The following RNF32 variants were observed in gnomAD, a reference collection of about 807,000 sequenced individuals.
RNF32 encodes the protein ring finger protein 32.
Under a neutral mutation model 41.0 loss-of-function variants are expected in RNF32, and 36 were observed. The observed-to-expected ratio is 0.88, with a 90% CI of 0.67 to 1.16. The LOEUF (loss-of-function observed/expected upper bound fraction) is 1.16, where lower values mean the gene tolerates loss of function less well. Ranked by LOEUF, RNF32 falls within the 50% of genes most tolerant of loss-of-function variation. The pLI, the probability that RNF32 is intolerant of heterozygous loss-of-function variation, is 0.00. For missense variants in RNF32, 413 were observed against 436.7 expected, an observed-to-expected ratio of 0.95 and a Z score of 0.48; for synonymous variants, 154 against 160.9, an observed-to-expected ratio of 0.96 and a Z score of 0.32.
At chr7:156,640,333 G>C (rs1028911794), upstream of RNF32, 1 of 451,054 alleles carries the variant, frequency 2.2e-6, no homozygotes. Context: ...CCCAGGCCCA[G>C]GTGGGCGGGC....
At chr7:156,673,817 T>C (rs967131010) in intron 7 of RNF32, among the ~76,000 whole-genome samples, 3 of 151,892 alleles carry the variant, frequency 2.0e-5, no homozygotes, top group Non-Finnish European at 2.9e-5. Context: ...AGGGAGAGAA[T>C]TGGAAGAGAA....
chr7:156,663,825 G>T (rs1379554497), intron 7 of RNF32, among the ~76,000 whole-genome samples: 1 of 152,198 alleles, frequency 6.6e-6, no homozygotes, highest in Non-Finnish European at 1.5e-5. Flanking sequence ...AAAATTATTT[G>T]AGAAAAATCA....
chr7:156,647,627 G>A (rs1318786905), intron 3 of RNF32, among the ~76,000 whole-genome samples: 1 of 151,970 alleles, frequency 6.6e-6, no homozygotes, highest in African/African-American at 2.4e-5. Flanking sequence ...GTTGTGAATT[G>A]GGCTGCAATA....
At chr7:156,664,635 T>A (rs902232783) in intron 7 of RNF32, among the ~76,000 whole-genome samples, 1 of 152,226 alleles carries the variant, frequency 6.6e-6, no homozygotes, top group African/African-American at 2.4e-5. Flanking sequence ...TGTTCTTTTT[T>A]AAAGATGTAA....
rs1584998943 is a variant in RNF32 at position 156,644,602 on chromosome 7, C to G, written c.119C>G (p.Ser40Cys). Residue 40 changes from serine to cysteine, a missense_variant, in exon 3 of 9, where the codon TCT becomes TGT. Transcript: ENST00000317955. ...CGAAATCTTTCAGTTGCAGATCATT[C>G]TAAGACACAAGTACAAAAGAAAGAG... ...QLRNLSVADH[S>C]KTQVQKKENK... is the part of the protein sequence containing the mutation. 1.2e-6 allele frequency: 2 copies of G among 1,613,358 alleles called. No homozygotes were observed. The highest frequency in any genetic ancestry group is 4.5e-5 in the East Asian group (2 of 44,860).
chr7:156,661,956 T>C (rs992197988), intron 7 of RNF32, among the ~76,000 whole-genome samples: 12 of 152,212 alleles, frequency 7.9e-5, no homozygotes, highest in Admixed American at 1.3e-4. Context: ...ACTCAGATCA[T>C]AGTGAGGTTA....
At chr7:156,652,693 TA>T (rs199707673) in intron 3 of RNF32, among the ~76,000 whole-genome samples, 24 of 148,054 alleles carry the variant, frequency 1.6e-4, no homozygotes, top group Middle Eastern at 3.4e-3. Flanking sequence ...ACAAAAAAGT[TA>T]AAAAAAAAAG....
At chr7:156,674,869 G>A (rs1803458577) in intron 7 of RNF32, among the ~76,000 whole-genome samples, 1 of 152,188 alleles carries the variant, frequency 6.6e-6, no homozygotes, top group Non-Finnish European at 1.5e-5. Context: ...GGACAGAGCT[G>A]ATCCTGCGAA....
chr7:156,660,187 G>C, intron 7 of RNF32: 1 of 985,640 alleles, frequency 1.0e-6, no homozygotes, highest in Non-Finnish European at 1.2e-6. Flanking sequence ...CGCATGTCCT[G>C]CCCGTTCCTA....
intron 7 of RNF32, among the ~76,000 whole-genome samples, chr7:156,660,888 T>C (rs960176696): frequency 3.3e-5 from 5 of 152,210 alleles, no homozygotes; most frequent in Non-Finnish European, 7.3e-5. Flanking sequence ...AGTCAGTACA[T>C]GGAAGTTATA....
intron 3 of RNF32, among the ~76,000 whole-genome samples, chr7:156,649,402 T>C (rs1230420546): frequency 6.6e-6 from 1 of 152,132 alleles, no homozygotes; most frequent in Non-Finnish European, 1.5e-5. Context: ...TTCTTTTTTT[T>C]CCCTGCTTTT....
intron 7 of RNF32, among the ~76,000 whole-genome samples, chr7:156,666,275 T>G (rs1394223472): frequency 1.3e-5 from 2 of 152,242 alleles, no homozygotes; most frequent in Non-Finnish European, 2.9e-5. Context: ...CTTGTCGAAC[T>G]TTGTTCCTAC....
At chr7:156,664,255 A>G (rs1317766294) in intron 7 of RNF32, among the ~76,000 whole-genome samples, 1 of 152,212 alleles carries the variant, frequency 6.6e-6, no homozygotes, top group Non-Finnish European at 1.5e-5. Flanking sequence ...TGAGGTCGGG[A>G]GTTCGAGACC....
At position 156,669,151 on chromosome 7, in the gene RNF32, T is replaced by G. The variant is rs1801878473; in HGVS notation, c.685-6545T>G. 6.6e-6 allele frequency: 1 copy of G among 152,162 alleles called. No individual in the cohort carries two copies. Among genetic ancestry groups the G allele is most frequent in the Non-Finnish European group, 1.5e-5 (1 of 68,052 alleles). 9.4% of individuals were successfully genotyped at this position (152,162 alleles called of 1,614,324 possible). On this transcript the variant is annotated intron_variant, in intron 7 of 8. Transcript: ENST00000317955. The surrounding 1 kb of genome is among the most constrained non-coding windows in gnomAD (Gnocchi z 4.2). ...CTTTGTGAGCCTTCATTGTAAAGGG[T>G]GTGCTGACCAGCCCCTCTGGGCAGA...
At chr7:156,646,051 T>C (rs180768045) in intron 3 of RNF32, among the ~76,000 whole-genome samples, 1 of 152,356 alleles carries the variant, frequency 6.6e-6, no homozygotes, top group African/African-American at 2.4e-5. Context: ...AGCATGCAAC[T>C]TCACACACAT....
chr7:156,660,355 G>C, intron 7 of RNF32: 2 of 934,756 alleles, frequency 2.1e-6, no homozygotes, highest in Non-Finnish European at 2.6e-6. Flanking sequence ...ATTCTAGCTT[G>C]TATATTACAA....
intron 7 of RNF32, among the ~76,000 whole-genome samples, chr7:156,673,522 C>T (rs1803070826): frequency 6.6e-6 from 1 of 152,158 alleles, no homozygotes; most frequent in Non-Finnish European, 1.5e-5. Flanking sequence ...ATTATAATTA[C>T]ATTCAGAGTG....
Position 156,676,877 on chromosome 7 carries a change from C to A in RNF32, c.*222C>A. ...TAAATTTCAAATTTATGAGTTTAAT[C>A]ACTTCAAATATGAATAGCAAAAAAT... On this transcript the variant is annotated 3_prime_UTR_variant, in exon 9 of 9. Transcript: ENST00000317955. 1 of 527,664 alleles carries A rather than the reference C, an allele frequency of 1.9e-6. No homozygotes were observed. The highest frequency in any genetic ancestry group is 3.4e-6 in the Non-Finnish European group (1 of 294,826). 32.7% of individuals were successfully genotyped at this position (527,664 alleles called of 1,614,324 possible).
intron 7 of RNF32, among the ~76,000 whole-genome samples, chr7:156,662,386 TTA>T (rs1460928854): frequency 2.0e-5 from 3 of 152,234 alleles, no homozygotes; most frequent in Non-Finnish European, 4.4e-5. Context: ...GAATTTCACA[TTA>T]CCCAGGTGTG....
Sources: allele counts gnomAD v4.1 joint callset (sites outside exome capture counted in the v4.1 genomes callset), GRCh38; gene constraint gnomAD v4.1.1; non-coding constraint Gnocchi (gnomAD v3.1); transcripts MANE v1.5; gene names NCBI Gene and HGNC (gene_info 2026-07-23, HGNC 2026-07-21).